HIBADH: variants seen among roughly 807,000 people sequenced by gnomAD.
HIBADH encodes the protein 3-hydroxyisobutyrate dehydrogenase.
A neutral mutation model predicts 36.1 loss-of-function variants in HIBADH; 25 were observed. That is an observed-to-expected ratio of 0.69 (90% confidence interval 0.50 to 0.97). HIBADH has a LOEUF of 0.97. Ranked by LOEUF, HIBADH falls within the 50% of genes least tolerant of loss-of-function variation. HIBADH has a pLI of 0.00. For synonymous variants in HIBADH, 160 were observed against 149.5 expected (o/e 1.07, Z -0.51); for missense variants, 421 against 418.0 (o/e 1.01, Z -0.06).
At chr7:27,602,537 CTT>C (rs1385586506) in intron 4 of HIBADH, among the ~76,000 whole-genome samples, 7 of 152,234 alleles carry the variant, frequency 4.6e-5, no homozygotes, top group Admixed American at 3.3e-4. Context: ...TTTCATCCCT[CTT>C]GTTACCTATT....
At chr7:27,557,161 G>T (rs1784403035) in intron 4 of HIBADH, among the ~76,000 whole-genome samples, 2 of 147,250 alleles carry the variant, frequency 1.4e-5, no homozygotes, top group Non-Finnish European at 1.5e-5. Context: ...AAAAAAAATT[G>T]GCATTTTTTA....
chr7:27,539,290 A>G (rs1171132131), intron 5 of HIBADH, among the ~76,000 whole-genome samples: 1 of 152,196 alleles, frequency 6.6e-6, no homozygotes, highest in African/African-American at 2.4e-5. Context: ...GGCTTGGACC[A>G]GGTCCTGTGT....
intron 4 of HIBADH, among the ~76,000 whole-genome samples, chr7:27,598,907 G>C (rs1238586283): frequency 6.7e-6 from 1 of 150,358 alleles, no homozygotes; most frequent in Non-Finnish European, 1.5e-5. Context: ...ACAAAGACAG[G>C]AAACAAGGAC....
chr7:27,648,160 C>G (rs1409729122), intron 2 of HIBADH, among the ~76,000 whole-genome samples: 1 of 152,154 alleles, frequency 6.6e-6, no homozygotes, highest in East Asian at 1.9e-4. Context: ...AAATGCTCAC[C>G]ATCTCTGAAG....
intron 1 of HIBADH, among the ~76,000 whole-genome samples, chr7:27,660,161 C>A (rs1189318937): frequency 6.6e-6 from 1 of 152,206 alleles, no homozygotes; most frequent in Non-Finnish European, 1.5e-5. Context: ...TATTATCATT[C>A]ATATGATATA....
chr7:27,578,551 A>G (rs1784747737), intron 4 of HIBADH, among the ~76,000 whole-genome samples: 1 of 152,184 alleles, frequency 6.6e-6, no homozygotes, highest in African/African-American at 2.4e-5. Flanking sequence ...TCCGGAACTC[A>G]GGCAATCCGC....
intron 5 of HIBADH, chr7:27,541,896 G>A (rs1784156831): frequency 3.4e-6 from 1 of 289,986 alleles, no homozygotes. Context: ...TAACACTTGA[G>A]TTCACTGCAA....
At chr7:27,547,518 A>G (rs189355782) in intron 4 of HIBADH, among the ~76,000 whole-genome samples, 5 of 152,186 alleles carry the variant, frequency 3.3e-5, no homozygotes, top group African/African-American at 1.2e-4. Flanking sequence ...GCTCTAGTAC[A>G]TAAGAGATTC....
intron 5 of HIBADH, among the ~76,000 whole-genome samples, chr7:27,539,731 C>G (rs1784119887): frequency 6.6e-6 from 1 of 152,108 alleles, no homozygotes; most frequent in African/African-American, 2.4e-5. Flanking sequence ...ACTTTTGACT[C>G]TCCAAAAACT....
intron 6 of HIBADH, among the ~76,000 whole-genome samples, chr7:27,536,876 G>C (rs1784077942): frequency 6.6e-6 from 1 of 152,046 alleles, no homozygotes; most frequent in Admixed American, 6.6e-5. Context: ...TATAACCTAG[G>C]TTCATCCAGC....
rs1784591800 is a variant in HIBADH at position 27,569,195 on chromosome 7, G to C, written c.485-26095C>G. On this transcript the variant is annotated intron_variant, in intron 4 of 7. Coordinates refer to ENST00000265395, the MANE Select transcript of HIBADH (RefSeq NM_152740.4). ...TTTCCAGTTATAAAATTTCCATTTGGTTCTTTTTTATAGCTTCTTTTTCTT... is the reference window on the plus strand; with the variant it reads ...TTTCCAGTTATAAAATTTCCATTTGCTTCTTTTTTATAGCTTCTTTTTCTT... Among the ~76,000 whole-genome samples the C allele has an allele frequency of 6.6e-5, 10 of 151,986 alleles. No homozygotes were observed. In the South Asian group the frequency reaches 1.9e-3, roughly 28 times the overall value.
chr7:27,653,719 A>G (rs1786243330), intron 1 of HIBADH, among the ~76,000 whole-genome samples: 1 of 152,000 alleles, frequency 6.6e-6, no homozygotes, highest in Non-Finnish European at 1.5e-5. Flanking sequence ...CCTGGGCGAC[A>G]ATGTGAGACT....
At chr7:27,576,502 G>C (rs1562627977) in intron 4 of HIBADH, among the ~76,000 whole-genome samples, 1 of 152,110 alleles carries the variant, frequency 6.6e-6, no homozygotes, top group Non-Finnish European at 1.5e-5. Context: ...TCTCCTGACT[G>C]TTCTGGTTCA....
At chr7:27,552,062 TC>T (rs1784326321) in intron 4 of HIBADH, among the ~76,000 whole-genome samples, 1 of 152,198 alleles carries the variant, frequency 6.6e-6, no homozygotes, top group Non-Finnish European at 1.5e-5. Flanking sequence ...AACAATATAA[TC>T]CCGTGAAAGT....
In HIBADH at chr7:27,662,721, G is replaced by A. The variant is rs754345433; in HGVS notation, c.68C>T (p.Pro23Leu). The stretch of plus-strand genomic sequence containing the variant: ...ACCCGCTGCAAAGCTGCCGGCTGCC[G>A]GCCGCAGCCGCCGGCTCCAGTACCG... ...GLRYWSRRLRPAAGSFAAVCS... is the reference protein window; with the variant it reads ...GLRYWSRRLRLAAGSFAAVCS... The change falls in exon 1 of 8, where the codon CCG becomes CTG. Residue 23 changes from proline to leucine, a missense_variant. Coordinates refer to ENST00000265395, the MANE Select transcript of HIBADH (RefSeq NM_152740.4). 148 of 1,379,984 alleles carry A rather than the reference G, an allele frequency of 1.1e-4. 1 individual carries two copies. The highest frequency in any genetic ancestry group is 1.2e-4 in the Non-Finnish European group (131 of 1,060,928). The allele number at this position is 1,379,984 out of a possible 1,614,324, so 85.5% of individuals were successfully genotyped here. A position where few individuals can be genotyped will look rare whatever the true frequency, so the allele number is the denominator to read the frequency against.
rs142506998 is a variant in HIBADH at position 27,559,833 on chromosome 7, T to C, written c.485-16733A>G. On this transcript the variant is annotated intron_variant, in intron 4 of 7. Coordinates refer to ENST00000265395, the MANE Select transcript of HIBADH (RefSeq NM_152740.4). ...TATTCTATTAAACTAAGCATCACTGTTAATTACTTTTATATGTGTTGTCAT... is the reference window on the plus strand; with the variant it reads ...TATTCTATTAAACTAAGCATCACTGCTAATTACTTTTATATGTGTTGTCAT... Among the ~76,000 whole-genome samples the C allele has an allele frequency of 2.9e-3, 446 of 152,340 alleles. 1 individual carries two copies. The highest frequency in any genetic ancestry group is 0.01 in the African/African-American group (426 of 41,580).
intron 6 of HIBADH, 75 bp downstream of exon 6, chr7:27,538,266 C>A: frequency 2.7e-6 from 3 of 1,131,192 alleles, no homozygotes; most frequent in Non-Finnish European, 2.6e-6. Context: ...TCATGAATAT[C>A]ATTTTTTTAA....
At chr7:27,644,212 T>A (rs1174345527) in intron 2 of HIBADH, among the ~76,000 whole-genome samples, 3 of 152,136 alleles carry the variant, frequency 2.0e-5, no homozygotes, top group Non-Finnish European at 4.4e-5. Flanking sequence ...ACGCCTGTAA[T>A]CCCAGCACTT....
At chr7:27,578,751 A>T (rs1166846002) in intron 4 of HIBADH, among the ~76,000 whole-genome samples, 1 of 152,200 alleles carries the variant, frequency 6.6e-6, no homozygotes, top group Admixed American at 6.5e-5. Flanking sequence ...CAGTACCCAC[A>T]AAAGTAGTCA....
Sources: gnomAD v4.1 joint callset for allele counts (sites outside exome capture counted in the v4.1 genomes callset) on GRCh38, gnomAD v4.1.1 for gene constraint, MANE v1.5 for transcripts, NCBI Gene and HGNC (gene_info 2026-07-23, HGNC 2026-07-21) for gene names.